GLIS3: variants seen among roughly 807,000 people sequenced by gnomAD.
GLIS3 encodes the protein zinc finger protein GLIS3.
Under a neutral mutation model 78.6 loss-of-function variants are expected in GLIS3, and 53 were observed. The observed-to-expected ratio is 0.67, with a 90% CI of 0.54 to 0.85. GLIS3 has a LOEUF of 0.85. GLIS3 is among the 40% of genes least tolerant of loss of function. The probability of loss-of-function intolerance (pLI) is 0.00; values close to 1 mark genes in which losing one functional copy is unlikely to be tolerated. For synonymous variants in GLIS3, 684 were observed against 509.9 expected (o/e 1.34, Z -4.60); for missense variants, 1,703 against 1,231.1 (o/e 1.38, Z -5.74).
Position 4,062,753 on chromosome 9 carries a change from C to G in GLIS3, c.1710+55015G>C, listed in dbSNP as rs1407477563. Among the ~76,000 whole-genome samples, 37 of 152,018 alleles carry G rather than the reference C, an allele frequency of 2.4e-4. 1 individual carries two copies. The highest frequency in any genetic ancestry group is 2.4e-3 in the Admixed American group (37 of 15,276). ...CCATCCTGGCTAACACAGCGAAACCCCATCTCTACTAAAAATACAAAAAAA... is the reference window on the plus strand; with the variant it reads ...CCATCCTGGCTAACACAGCGAAACCGCATCTCTACTAAAAATACAAAAAAA... On this transcript the variant is annotated intron_variant, in intron 4 of 10. Coordinates refer to ENST00000381971, the MANE Select transcript of GLIS3 (RefSeq NM_001042413.2).
At chr9:4,115,689 A>T (rs1451570028) in intron 4 of GLIS3, among the ~76,000 whole-genome samples, 5 of 152,110 alleles carry the variant, frequency 3.3e-5, no homozygotes, top group Non-Finnish European at 7.4e-5. Flanking sequence ...TGCCCATAAT[A>T]TGTATGTTTT....
At chr9:4,395,879 T>G in the GLIS3 span, among the ~76,000 whole-genome samples, 1 of 151,664 alleles carries the variant, frequency 6.6e-6, no homozygotes, top group African/African-American at 2.4e-5. Context: ...GTTCAAGCGA[T>G]TCTCCTGCCT....
intron 8 of GLIS3, among the ~76,000 whole-genome samples, chr9:3,856,849 C>T (rs1259672390): frequency 6.6e-6 from 1 of 152,154 alleles, no homozygotes; most frequent in Non-Finnish European, 1.5e-5. Flanking sequence ...ATGCGCCAAT[C>T]ACAGTAAGAC....
chr9:4,371,067 T>C, the GLIS3 span, among the ~76,000 whole-genome samples: 1 of 152,216 alleles, frequency 6.6e-6, no homozygotes, highest in East Asian at 1.9e-4. Context: ...TTTTATTCAC[T>C]TGTATTGTCT....
chr9:3,829,749 T>C (rs1271902111), intron 9 of GLIS3, among the ~76,000 whole-genome samples: 1 of 152,212 alleles, frequency 6.6e-6, no homozygotes, highest in Non-Finnish European at 1.5e-5. Context: ...TGGGAAGGCT[T>C]CTTACCTTCC....
chr9:4,314,427 A>G (rs7037909), intron 2 of GLIS3, among the ~76,000 whole-genome samples: 72,313 of 152,122 alleles, frequency 0.48, 19,598 homozygotes, highest in African/African-American at 0.76. Flanking sequence ...AGATGCATGC[A>G]CACAATATGT....
At chr9:3,917,655 A>G (rs1273724714) in intron 6 of GLIS3, among the ~76,000 whole-genome samples, 1 of 149,104 alleles carries the variant, frequency 6.7e-6, no homozygotes, top group Non-Finnish European at 1.5e-5. Flanking sequence ...CTTGTCATCT[A>G]TTGGTTTCAA....
intron 4 of GLIS3, among the ~76,000 whole-genome samples, chr9:3,955,561 G>C (rs1817044170): frequency 6.6e-6 from 1 of 152,018 alleles, no homozygotes; most frequent in South Asian, 2.1e-4. Context: ...ATGAAAAAGG[G>C]GTCATGAGCA....
At chr9:4,272,510 C>T (rs903975820) in intron 2 of GLIS3, among the ~76,000 whole-genome samples, 1 of 152,148 alleles carries the variant, frequency 6.6e-6, no homozygotes, top group East Asian at 1.9e-4. Flanking sequence ...TCTTAATCTT[C>T]CCAAGCCTCT....
chr9:4,334,296 A>C (rs1411195374), intron 2 of GLIS3, among the ~76,000 whole-genome samples: 1 of 152,214 alleles, frequency 6.6e-6, no homozygotes, highest in African/African-American at 2.4e-5. Flanking sequence ...GTCCTTCTAC[A>C]AATTACAGAG....
chr9:3,864,677 T>C lies in GLIS3; in HGVS notation c.2298-8493A>G, dbSNP rs75633319. ...ATAGTGCTTTTTTTCTTCCCTCATA[T>C]TGAATGTCAGGTGCAGGAATTTTCT... On this transcript the variant is annotated intron_variant, in intron 8 of 10. Coordinates refer to ENST00000381971, the MANE Select transcript of GLIS3 (RefSeq NM_001042413.2). 9.1e-3 allele frequency among the ~76,000 whole-genome samples: 1,388 copies of C among 152,336 alleles called. 12 individuals are homozygous for C. The highest frequency in any genetic ancestry group is 0.024 in the African/African-American group (1,018 of 41,578).
chr9:4,473,354 G>A, the GLIS3 span, among the ~76,000 whole-genome samples: 2 of 151,834 alleles, frequency 1.3e-5, no homozygotes, highest in Middle Eastern at 3.4e-3. Flanking sequence ...GCTGAGGCAG[G>A]AGAATCGTTT....
chr9:4,279,474 A>C (rs1408133368), intron 2 of GLIS3, among the ~76,000 whole-genome samples: 2 of 151,360 alleles, frequency 1.3e-5, no homozygotes, highest in Non-Finnish European at 2.9e-5. Flanking sequence ...TCAACAAAGG[A>C]CACCAAACTA....
chr9:4,452,784 G>GC, the GLIS3 span, among the ~76,000 whole-genome samples: 1 of 149,742 alleles, frequency 6.7e-6, no homozygotes, highest in East Asian at 2.0e-4. Flanking sequence ...CCATCAAGCT[G>GC]TTTTCTTTAC....
intron 4 of GLIS3, among the ~76,000 whole-genome samples, chr9:4,047,065 C>G (rs1327540688): frequency 6.6e-6 from 1 of 152,160 alleles, no homozygotes; most frequent in East Asian, 1.9e-4. Flanking sequence ...TCACCTGGAA[C>G]TGTAATCCCC....
chr9:4,371,007 G>A, the GLIS3 span, among the ~76,000 whole-genome samples: 3 of 152,172 alleles, frequency 2.0e-5, no homozygotes, highest in African/African-American at 7.2e-5. Flanking sequence ...GCCCTCAAAT[G>A]TTAACAGTGA....
At chr9:3,837,798 G>A (rs979207393) in intron 9 of GLIS3, among the ~76,000 whole-genome samples, 6 of 152,166 alleles carry the variant, frequency 3.9e-5, no homozygotes, top group African/African-American at 1.2e-4. Flanking sequence ...CAGAGGTAGC[G>A]AAGCTATTCC....
At chr9:4,053,322 T>A (rs1488578240) in intron 4 of GLIS3, among the ~76,000 whole-genome samples, 2 of 152,158 alleles carry the variant, frequency 1.3e-5, no homozygotes, top group African/African-American at 4.8e-5. Flanking sequence ...CTTCTCCTTA[T>A]CATCCAGGCC....
intron 2 of GLIS3, among the ~76,000 whole-genome samples, chr9:4,329,282 G>A (rs1817648422): frequency 6.6e-6 from 1 of 152,172 alleles, no homozygotes; most frequent in Non-Finnish European, 1.5e-5. Flanking sequence ...ATGTGTGTGT[G>A]CAGTGCCATT....
Sources: gnomAD v4.1 joint callset for allele counts (sites outside exome capture counted in the v4.1 genomes callset) on GRCh38, gnomAD v4.1.1 for gene constraint, MANE v1.5 for transcripts, NCBI Gene and HGNC (gene_info 2026-07-23, HGNC 2026-07-21) for gene names.